The following IL1RAPL1 variants were observed in gnomAD, a reference collection of about 807,000 sequenced individuals.
IL1RAPL1 encodes the protein interleukin-1 receptor accessory protein-like 1.
In IL1RAPL1, 3 loss-of-function variants were observed where a neutral mutation model predicts 48.4. The ratio of observed to expected loss-of-function variants is 0.06; its 90% CI spans 0.03 to 0.16. The LOEUF is 0.16. Among genes scored for constraint, IL1RAPL1 ranks in the 10% least tolerant of loss-of-function variants. IL1RAPL1 has a pLI of 1.00. For synonymous variants in IL1RAPL1, 185 were observed against 187.7 expected (o/e 0.99, Z 0.12); for missense variants, 349 against 530.6 (o/e 0.66, Z 3.36).
intron 2 of IL1RAPL1, among the ~76,000 whole-genome samples, chrX:28,818,482 G>C (rs1177731729): frequency 9.1e-6 from 1 of 110,477 alleles, no homozygotes; most frequent in Non-Finnish European, 1.9e-5. Flanking sequence ...TTTATCAAAT[G>C]AGTGGCTTAG....
chrX:28,718,289 G>A (rs1935528072), intron 1 of IL1RAPL1, among the ~76,000 whole-genome samples: 1 of 111,393 alleles, frequency 9.0e-6, no homozygotes. Context: ...ATCGTATAAT[G>A]TTCTTTATTC....
chrX:29,403,494 T>C (rs976610616), intron 5 of IL1RAPL1, among the ~76,000 whole-genome samples: 1 of 111,499 alleles, frequency 9.0e-6, no homozygotes, highest in African/African-American at 3.3e-5. Flanking sequence ...TATTGGAGAA[T>C]TATACCAAAA....
chrX:29,304,054 T>C (rs920266606), intron 3 of IL1RAPL1, among the ~76,000 whole-genome samples: 5 of 112,012 alleles, frequency 4.5e-5, no homozygotes, highest in African/African-American at 1.6e-4. Context: ...CACACACTTA[T>C]TGGACGCTTC....
intron 6 of IL1RAPL1, among the ~76,000 whole-genome samples, chrX:29,888,316 C>T (rs931268957): frequency 2.8e-5 from 3 of 108,978 alleles, no homozygotes; most frequent in Non-Finnish European, 3.8e-5. Flanking sequence ...CTCTGCCTCC[C>T]GGGTTCAAGC....
intron 3 of IL1RAPL1, among the ~76,000 whole-genome samples, chrX:29,313,260 T>TGTGTGA (rs1477755974): frequency 1.9e-4 from 15 of 80,754 alleles, no homozygotes; most frequent in African/African-American, 5.4e-4. Flanking sequence ...AGCCTGTGTG[T>TGTGTGA]GTGTGTGTGT....
chrX:29,678,238 G>T (rs1228816516), intron 6 of IL1RAPL1, among the ~76,000 whole-genome samples: 1 of 107,988 alleles, frequency 9.3e-6, no homozygotes, highest in East Asian at 2.9e-4. Flanking sequence ...ATATTTACAT[G>T]AGTCCAATAC....
At chrX:29,774,975 G>A (rs1461549029) in intron 6 of IL1RAPL1, among the ~76,000 whole-genome samples, 1 of 112,201 alleles carries the variant, frequency 8.9e-6, no homozygotes, top group African/African-American at 3.2e-5. Flanking sequence ...TAGAAAATGT[G>A]CCATAAAAGT....
chrX:29,299,357 A>G (rs925117860), intron 3 of IL1RAPL1, among the ~76,000 whole-genome samples: 1 of 111,918 alleles, frequency 8.9e-6, no homozygotes, highest in African/African-American at 3.2e-5. Context: ...AAAATAACAC[A>G]TGGAAAGCCT....
At chrX:29,625,612 G>T (rs1924595987) in intron 5 of IL1RAPL1, among the ~76,000 whole-genome samples, 1 of 111,522 alleles carries the variant, frequency 9.0e-6, no homozygotes. Context: ...TGGTGCCCTT[G>T]TTTGTTGTGT....
chrX:28,745,016 A>G (rs1014594610), intron 1 of IL1RAPL1, among the ~76,000 whole-genome samples: 4 of 111,519 alleles, frequency 3.6e-5, no homozygotes, highest in Non-Finnish European at 7.5e-5. Flanking sequence ...AATATACCCA[A>G]CCACACTAAG....
chrX:29,786,444 G>A (rs1929501623), intron 6 of IL1RAPL1, among the ~76,000 whole-genome samples: 1 of 111,639 alleles, frequency 9.0e-6, no homozygotes, highest in African/African-American at 3.3e-5. Flanking sequence ...CTTCAGATTT[G>A]TATGATAAGT....
chrX:29,242,306 C>G (rs1467773373), intron 2 of IL1RAPL1, among the ~76,000 whole-genome samples: 1 of 112,253 alleles, frequency 8.9e-6, no homozygotes, highest in East Asian at 2.8e-4. Flanking sequence ...TGAAATAATT[C>G]TACGTACACT....
intron 2 of IL1RAPL1, among the ~76,000 whole-genome samples, chrX:28,816,154 A>G (rs759849268): frequency 5.6e-5 from 6 of 108,042 alleles, no homozygotes; most frequent in Non-Finnish European, 9.6e-5. Flanking sequence ...CTTCCTTCGT[A>G]TCCTCGCCAG....
At position 29,084,645 on chromosome X, in the gene IL1RAPL1, A is replaced by T. The variant is rs186840056; in HGVS notation, c.83-198293A>T. On this transcript the variant is annotated intron_variant, in intron 2 of 10. Coordinates refer to ENST00000378993, the MANE Select transcript of IL1RAPL1 (RefSeq NM_014271.4). The stretch of plus-strand genomic sequence containing the variant: ...AAAGAAGTAGGGCTAATGTGGGCTT[A>T]TTTTCCTAATGTGCAACATTATTTG... Among the ~76,000 whole-genome samples, 53 of 112,406 alleles carry T rather than the reference A, an allele frequency of 4.7e-4. No homozygotes were observed. In the East Asian group the frequency reaches 9.8e-3, roughly 21 times the overall value.
chrX:29,380,552 AT>A (rs1250817694), intron 3 of IL1RAPL1, among the ~76,000 whole-genome samples: 1 of 112,336 alleles, frequency 8.9e-6, no homozygotes, highest in Non-Finnish European at 1.9e-5. Flanking sequence ...TATTGGTCCA[AT>A]TCCTATGGAT....
intron 5 of IL1RAPL1, among the ~76,000 whole-genome samples, chrX:29,451,882 A>T (rs1386861230): frequency 1.8e-5 from 2 of 112,075 alleles, no homozygotes; most frequent in African/African-American, 6.5e-5. Flanking sequence ...TTTTCCCAGT[A>T]GTCCTATAAT....
At chrX:29,151,803 T>G (rs983500927) in intron 2 of IL1RAPL1, among the ~76,000 whole-genome samples, 19 of 110,924 alleles carry the variant, frequency 1.7e-4, no homozygotes, top group African/African-American at 6.2e-4. Flanking sequence ...AAGAGAATGC[T>G]TCTGCAGCCA....
rs1294452715 is a variant in IL1RAPL1, at chrX:28,618,091, G to A, written c.-25+30044G>A. On this transcript the variant is annotated intron_variant, in intron 1 of 10. Coordinates refer to ENST00000378993, the MANE Select transcript of IL1RAPL1 (RefSeq NM_014271.4). ...ACTGCATGACAATATTGAGAGAATA[G>A]ATATCTTTTTTTCACACCTGTCTCT... Among the ~76,000 whole-genome samples, 4 of 111,926 alleles carry A rather than the reference G, an allele frequency of 3.6e-5. No homozygotes were observed. The East Asian group carries it at 1.1e-3, about 31-fold the overall frequency.
At chrX:28,959,551 A>G (rs1377726609) in intron 2 of IL1RAPL1, among the ~76,000 whole-genome samples, 1 of 112,065 alleles carries the variant, frequency 8.9e-6, no homozygotes, top group Non-Finnish European at 1.9e-5. Flanking sequence ...CAAATTATTT[A>G]GCAATTCATT....
Sources: gnomAD v4.1 joint callset for allele counts (sites outside exome capture counted in the v4.1 genomes callset) on GRCh38, gnomAD v4.1.1 for gene constraint, MANE v1.5 for transcripts, NCBI Gene and HGNC (gene_info 2026-07-23, HGNC 2026-07-21) for gene names.